The following PCSK2 variants were observed in gnomAD, a reference collection of about 807,000 sequenced individuals.
PCSK2 encodes the protein neuroendocrine convertase 2.
PCSK2 carries 14 observed loss-of-function variants against 69.7 expected under a neutral mutation model. That is an observed-to-expected ratio of 0.20 (90% CI 0.13 to 0.31). The LOEUF (loss-of-function observed/expected upper bound fraction) is 0.31, where lower values mean the gene tolerates loss of function less well. Ranked by LOEUF, PCSK2 falls within the 10% of genes least tolerant of loss-of-function variation. The probability of loss-of-function intolerance (pLI) is 1.00; values close to 1 mark genes in which losing one functional copy is unlikely to be tolerated. For synonymous variants in PCSK2, 307 were observed against 320.7 expected, an observed-to-expected ratio of 0.96 and a Z score of 0.46; for missense variants, 544 against 842.5, an observed-to-expected ratio of 0.65 and a Z score of 4.39.
intron 2 of PCSK2, among the ~76,000 whole-genome samples, chr20:17,294,147 C>T (rs2123072082): frequency 6.9e-6 from 1 of 145,196 alleles, no homozygotes; most frequent in South Asian, 2.2e-4. Context: ...CTGTTTAGCC[C>T]AGGCCGGATT....
chr20:17,456,410 C>G lies in PCSK2; in HGVS notation c.1164C>G (p.Pro388=), dbSNP rs574761340. 3.7e-6 allele frequency: 6 copies of G among 1,610,524 alleles called. No individual in the cohort carries two copies. In the Admixed American group the frequency reaches 8.3e-5, roughly 22 times the overall value. Reference sequence around the variant, plus strand: ...ATTCTGGGACATCTGCAGCTGCCCCCGAGGCAGCTGGTGTGTTTGCACTGG... The same window carrying G: ...ATTCTGGGACATCTGCAGCTGCCCCGGAGGCAGCTGGTGTGTTTGCACTGG... ...LRHSGTSAAA[P]EAAGVFALAL... Residue 388 remains proline, a synonymous_variant, in exon 10 of 12, where the codon CCC becomes CCG. Transcript: ENST00000262545.
intron 8 of PCSK2, among the ~76,000 whole-genome samples, chr20:17,452,953 T>G (rs6044832): frequency 0.16 from 23,738 of 152,268 alleles, 1,982 homozygotes; most frequent in Middle Eastern, 0.19. Context: ...AATTAGCATG[T>G]GGCAATAACT....
intron 1 of PCSK2, among the ~76,000 whole-genome samples, chr20:17,244,719 C>A (rs1166575816): frequency 6.6e-6 from 1 of 152,212 alleles, no homozygotes; most frequent in Non-Finnish European, 1.5e-5. Context: ...ATTCAGCCAA[C>A]TCCCTTGATT....
At chr20:17,467,666 C>A (rs1036561351) in intron 11 of PCSK2, among the ~76,000 whole-genome samples, 1 of 152,164 alleles carries the variant, frequency 6.6e-6, no homozygotes, top group Non-Finnish European at 1.5e-5. Flanking sequence ...AATTATTAGA[C>A]CCCCTGAATT....
chr20:17,302,265 C>A (rs534000903), intron 2 of PCSK2, among the ~76,000 whole-genome samples: 2 of 152,272 alleles, frequency 1.3e-5, no homozygotes, highest in Admixed American at 1.3e-4. Flanking sequence ...CTCCCTCCAC[C>A]AACCCATGTC....
intron 7 of PCSK2, 68 bp from the exon 8 acceptor site, chr20:17,436,640 C>A: frequency 7.1e-7 from 1 of 1,413,336 alleles, no homozygotes; most frequent in Non-Finnish European, 9.8e-7. Context: ...CCAAGCCCTC[C>A]TCCACCTCCT....
In PCSK2 at chr20:17,347,368, G is replaced by A. The variant is rs370528418; in HGVS notation, c.283-10959G>A. 2.7e-4 allele frequency among the ~76,000 whole-genome samples: 41 copies of A among 152,200 alleles called. No individual in the cohort carries two copies. The East Asian group carries it at 3.7e-3, about 14-fold the overall frequency. The stretch of plus-strand genomic sequence containing the variant: ...CTCTCCAGATCCCTGTTTGGATCTC[G>A]ACAACCAAAGCCAGCAGTTGGCGGC... On this transcript the variant is annotated intron_variant, in intron 2 of 11. Coordinates refer to ENST00000262545, the MANE Select transcript of PCSK2 (RefSeq NM_002594.5).
At chr20:17,417,038 G>C (rs2032015070) in intron 6 of PCSK2, among the ~76,000 whole-genome samples, 1 of 149,500 alleles carries the variant, frequency 6.7e-6, no homozygotes, top group African/African-American at 2.4e-5. Context: ...GTGGCAGACT[G>C]GGGGAGGGGT....
chr20:17,453,669 G>C lies in PCSK2; in HGVS notation c.886-73G>C. 6.4e-7 allele frequency: 1 copy of C among 1,563,702 alleles called. No individual in the cohort carries two copies. On this transcript the variant is annotated intron_variant, in intron 8 of 11. Coordinates refer to ENST00000262545, the MANE Select transcript of PCSK2 (RefSeq NM_002594.5). The surrounding 1 kb of genome is among the most constrained non-coding windows in gnomAD (Gnocchi z 4.0). ...CAACTGCTGAAGAAGCCCAACCCCT[G>C]GGCTGGAGACCTCCCCTGCCCCCTC...
chr20:17,292,486 G>T (rs879846875), intron 2 of PCSK2, among the ~76,000 whole-genome samples: 3 of 152,144 alleles, frequency 2.0e-5, no homozygotes, highest in Non-Finnish European at 4.4e-5. Context: ...AATTTCTTTT[G>T]TAGTTAGCTA....
intron 7 of PCSK2, among the ~76,000 whole-genome samples, chr20:17,429,945 T>G (rs964156428): frequency 4.6e-5 from 7 of 152,222 alleles, no homozygotes; most frequent in Admixed American, 4.6e-4. Context: ...GTCACTACTC[T>G]TCTGTGTCAG....
intron 8 of PCSK2, among the ~76,000 whole-genome samples, chr20:17,438,543 A>G (rs570460472): frequency 5.9e-5 from 9 of 152,290 alleles, no homozygotes; most frequent in Admixed American, 2.0e-4. Flanking sequence ...ATTAATGCAG[A>G]CACGAAATGG....
At chr20:17,386,798 T>C (rs995705266) in intron 5 of PCSK2, among the ~76,000 whole-genome samples, 2 of 152,182 alleles carry the variant, frequency 1.3e-5, no homozygotes, top group Non-Finnish European at 2.9e-5. Context: ...TTACCACTAT[T>C]ACAATGAATA....
intron 5 of PCSK2, among the ~76,000 whole-genome samples, chr20:17,376,079 C>A (rs1242159175): frequency 6.6e-6 from 1 of 152,200 alleles, no homozygotes; most frequent in Non-Finnish European, 1.5e-5. Flanking sequence ...GAAGGGCATT[C>A]CCAGGCTCTC....
At chr20:17,236,324 A>G (rs1453455658) in intron 1 of PCSK2, among the ~76,000 whole-genome samples, 3 of 152,156 alleles carry the variant, frequency 2.0e-5, no homozygotes, top group Admixed American at 1.3e-4. Context: ...CCTAAAATTC[A>G]TAAGAAATTA....
intron 5 of PCSK2, among the ~76,000 whole-genome samples, chr20:17,378,757 G>A (rs966747342): frequency 9.9e-5 from 15 of 152,050 alleles, no homozygotes; most frequent in Admixed American, 8.5e-4. Context: ...AGACTATTGG[G>A]ATTTTATTCC....
At chr20:17,428,217 A>G (rs755385904) in intron 6 of PCSK2, among the ~76,000 whole-genome samples, 13 of 152,206 alleles carry the variant, frequency 8.5e-5, no homozygotes, top group Non-Finnish European at 1.5e-4. Flanking sequence ...CTTGTCCTCC[A>G]GCCTTTGGTG....
intron 2 of PCSK2, among the ~76,000 whole-genome samples, chr20:17,294,573 T>G (rs1242256865): frequency 6.6e-6 from 1 of 152,234 alleles, no homozygotes; most frequent in Non-Finnish European, 1.5e-5. Flanking sequence ...CATTTTCCTC[T>G]GAGCTCTGTA....
chr20:17,396,307 C>G (rs1426578786), intron 5 of PCSK2, among the ~76,000 whole-genome samples: 1 of 152,126 alleles, frequency 6.6e-6, no homozygotes, highest in Non-Finnish European at 1.5e-5. Flanking sequence ...TACACTGGGC[C>G]CCTTCAACCC....
Sources: gnomAD v4.1 joint callset for allele counts (sites outside exome capture counted in the v4.1 genomes callset) on GRCh38, gnomAD v4.1.1 for gene constraint, Gnocchi (gnomAD v3.1) non-coding constraint, MANE v1.5 for transcripts, NCBI Gene and HGNC (gene_info 2026-07-23, HGNC 2026-07-21) for gene names.